HDAC3: variants seen among roughly 807,000 people sequenced by gnomAD.
The protein encoded by HDAC3 is histone deacetylase 3, also known as SMAP45.
HDAC3 carries 21 observed loss-of-function variants against 62.3 expected under a neutral mutation model. The ratio of observed to expected loss-of-function variants is 0.34; its 90% CI spans 0.24 to 0.49. HDAC3 has a LOEUF of 0.49. Among genes scored for constraint, HDAC3 ranks in the 20% least tolerant of loss-of-function variants. HDAC3 has a pLI of 0.99. For missense variants in HDAC3, 270 were observed against 556.9 expected (o/e 0.48, Z 5.19); for synonymous variants, 198 against 206.5 (o/e 0.96, Z 0.35).
intron 3 of HDAC3, among the ~76,000 whole-genome samples, chr5:141,631,499 G>A (rs867112768): frequency 6.6e-6 from 1 of 152,184 alleles, no homozygotes; most frequent in Admixed American, 6.5e-5. Context: ...ACAGAATACT[G>A]ATTTATTTTT....
rs1160955411 is a variant in HDAC3, at chr5:141,628,006, A to G, written c.766-49T>C. The G allele has an allele frequency of 6.2e-7, 1 of 1,602,496 alleles. No individual in the cohort carries two copies. ...AAGTGCAGTGATCAGAACTGATCAG[A>G]ACATCACAGATACCCCTTCCACCAC... On this transcript the variant is annotated intron_variant, in intron 9 of 14. Coordinates refer to ENST00000305264, the MANE Select transcript of HDAC3 (RefSeq NM_003883.4). The surrounding 1 kb of genome is among the most constrained non-coding windows in gnomAD (Gnocchi z 4.7).
intron 2 of HDAC3, among the ~76,000 whole-genome samples, chr5:141,635,601 C>T (rs1378820508): frequency 6.6e-6 from 1 of 152,228 alleles, no homozygotes; most frequent in Non-Finnish European, 1.5e-5. Context: ...CACATAAAGC[C>T]TGGGTTTAGC....
At chr5:141,623,689 T>C (rs2099904009) in intron 14 of HDAC3, among the ~76,000 whole-genome samples, 1 of 152,016 alleles carries the variant, frequency 6.6e-6, no homozygotes, top group African/African-American at 2.4e-5. Context: ...GTCAGAGCAG[T>C]AAAGCCCAGG....
chr5:141,636,573 T>C lies in HDAC3; in HGVS notation c.113A>G (p.His38Arg). The C allele has an allele frequency of 6.2e-7, 1 of 1,613,668 alleles. No homozygotes were observed. The highest frequency in any genetic ancestry group is 8.5e-7 in the Non-Finnish European group (1 of 1,179,846). ...RLALTHSLVL[H>R]YGLYKKMIVF... ...GATCATCTTCTTATAGAGACCGTAA[T>C]GCAGGACCAGGCTATGGGTCAATGC... Residue 38 changes from histidine to arginine, a missense_variant, in exon 2 of 15, where the codon CAT (histidine) becomes CGT (arginine). Coordinates refer to ENST00000305264, the MANE Select transcript of HDAC3 (RefSeq NM_003883.4).
chr5:141,625,605 TC>T lies in HDAC3; in HGVS notation c.1059+79del. ...TTAGAACTTCCTTCTCTTTGGTTTT[TC>T]CTACTTCCCACATCTTTGACCTCTC... On this transcript the variant is annotated intron_variant, in intron 13 of 14. Coordinates refer to ENST00000305264, the MANE Select transcript of HDAC3 (RefSeq NM_003883.4). This position sits in a 1 kb window ranked among gnomAD's most constrained non-coding sequence, Gnocchi z 4.0. 7.1e-7 allele frequency: 1 copy of T among 1,416,630 alleles called. No individual in the cohort carries two copies. Among genetic ancestry groups the T allele is most frequent in the Non-Finnish European group, 1.0e-6 (1 of 1,001,740 alleles). The allele number at this position is 1,416,630 out of a possible 1,614,324, so 87.8% of individuals were successfully genotyped here.
chr5:141,635,058 T>G, intron 2 of HDAC3, 105 bp from the exon 3 acceptor site: 1 of 1,125,408 alleles, frequency 8.9e-7, no homozygotes, highest in Non-Finnish European at 1.3e-6. Flanking sequence ...AAGCCAAACA[T>G]AGCATTCCCC....
At position 141,629,340 on chromosome 5, in the gene HDAC3, A is replaced by G; in HGVS notation, c.477-34T>C. The G allele has an allele frequency of 6.2e-7, 1 of 1,613,748 alleles. No homozygotes were observed. Among genetic ancestry groups the G allele is most frequent in the Non-Finnish European group, 8.5e-7 (1 of 1,179,908 alleles). On this transcript the variant is annotated intron_variant, in intron 6 of 14. Transcript: ENST00000305264. This position sits in a 1 kb window ranked among gnomAD's most constrained non-coding sequence, Gnocchi z 5.3. ...AAGCCAAAGCCAGGGTCTGAGCTAG[A>G]AGTGAACCCCCCAACCCACTCCTCT... is the stretch of plus-strand genomic sequence containing the variant.
In HDAC3 at chr5:141,629,527, G is replaced by A; in HGVS notation, c.476+157C>T. The A allele has an allele frequency of 2.2e-6, 2 of 896,174 alleles. No individual in the cohort carries two copies. The highest frequency in any genetic ancestry group is 1.5e-5 in the South Asian group (1 of 65,812). The allele number at this position is 896,174 out of a possible 1,614,324, so 55.5% of individuals were successfully genotyped here. ...AAGGCTGAAATGTGAGCAGGCAGTA[G>A]GGAATCTGCAGCAGTGGAAGAGGCA... is the stretch of plus-strand genomic sequence containing the variant. On this transcript the variant is annotated intron_variant, in intron 6 of 14. Coordinates refer to ENST00000305264, the MANE Select transcript of HDAC3 (RefSeq NM_003883.4). The surrounding 1 kb of genome is among the most constrained non-coding windows in gnomAD (Gnocchi z 5.3).
rs1445635727 is a variant in HDAC3 at position 141,626,861 on chromosome 5, C to T, written c.831-578G>A. 1.3e-5 allele frequency among the ~76,000 whole-genome samples: 2 copies of T among 151,260 alleles called. No homozygotes were observed. The highest frequency in any genetic ancestry group is 4.9e-5 in the African/African-American group (2 of 41,072). ...TTCTCTCCATTGCCACCCCCTCCAC[C>T]TTAGTCTGGGCACCTAACCAACACC... On this transcript the variant is annotated intron_variant, in intron 10 of 14. Transcript: ENST00000305264. This position sits in a 1 kb window ranked among gnomAD's most constrained non-coding sequence, Gnocchi z 4.6.
chr5:141,636,521 AC>A (rs2099906041), intron 2 of HDAC3, 26 bp downstream of exon 2: 2 of 1,607,310 alleles, frequency 1.2e-6, no homozygotes, highest in African/African-American at 1.3e-5. Flanking sequence ...CCACCCCCCA[AC>A]CCCCGGCCGA....
Position 141,626,993 on chromosome 5 carries a change from C to A in HDAC3, c.831-710G>T, listed in dbSNP as rs760053336. Among the ~76,000 whole-genome samples the A allele has an allele frequency of 3.9e-5, 6 of 152,030 alleles. No homozygotes were observed. Among genetic ancestry groups the A allele is most frequent in the African/African-American group, 7.2e-5 (3 of 41,400 alleles). On this transcript the variant is annotated intron_variant, in intron 10 of 14. Coordinates refer to ENST00000305264, the MANE Select transcript of HDAC3 (RefSeq NM_003883.4). The surrounding 1 kb of genome is among the most constrained non-coding windows in gnomAD (Gnocchi z 4.6). ...CTTTCAAACACAAATTGGATCATGT[C>A]ACTTTCCTGCTTAAAATCCTTCAAT...
rs2099904325 is a variant in HDAC3 at position 141,625,594 on chromosome 5, T to C, written c.1059+91A>G. On this transcript the variant is annotated intron_variant, in intron 13 of 14. Transcript: ENST00000305264. This position sits in a 1 kb window ranked among gnomAD's most constrained non-coding sequence, Gnocchi z 4.0. ...ACTGTGATGGCTTAGAACTTCCTTC[T>C]CTTTGGTTTTTCCTACTTCCCACAT... The C allele has an allele frequency of 7.6e-7, 1 of 1,323,232 alleles. No individual in the cohort carries two copies. The highest frequency in any genetic ancestry group is 1.1e-6 in the Non-Finnish European group (1 of 918,878). 82.0% of individuals were successfully genotyped at this position (1,323,232 alleles called of 1,614,324 possible). A position where few individuals can be genotyped will look rare whatever the true frequency, so the allele number is the denominator to read the frequency against.
rs537083916 is a variant in HDAC3, at chr5:141,626,493, C to G, written c.831-210G>C. The G allele has an allele frequency of 5.2e-5, 29 of 558,076 alleles. No individual in the cohort carries two copies. Among genetic ancestry groups the G allele is most frequent in the African/African-American group, 3.4e-4 (18 of 52,860 alleles). The allele number at this position is 558,076 out of a possible 1,614,324, so 34.6% of individuals were successfully genotyped here. On this transcript the variant is annotated intron_variant, in intron 10 of 14. Transcript: ENST00000305264. The surrounding 1 kb of genome is among the most constrained non-coding windows in gnomAD (Gnocchi z 4.6). Reference sequence around the variant, plus strand: ...AATTTTAAAATAAAGCACAGTCCCCCCTCTGTTCTGCTCAACACCCTCCCT... The same window carrying G: ...AATTTTAAAATAAAGCACAGTCCCCGCTCTGTTCTGCTCAACACCCTCCCT...
At position 141,636,381 on chromosome 5, in the gene HDAC3, A is replaced by G. The variant is rs192844002; in HGVS notation, c.138+167T>C. ...GAAAGTACTTTCCATTAAGCAGAGGACGCCACCCCCAACACCCTGCACTTT... is the reference window on the plus strand; with the variant it reads ...GAAAGTACTTTCCATTAAGCAGAGGGCGCCACCCCCAACACCCTGCACTTT... On this transcript the variant is annotated intron_variant, in intron 2 of 14. Coordinates refer to ENST00000305264, the MANE Select transcript of HDAC3 (RefSeq NM_003883.4). 3.7e-4 allele frequency: 242 copies of G among 647,930 alleles called. 1 individual carries two copies. Among genetic ancestry groups the G allele is most frequent in the Middle Eastern group, 3.0e-3 (7 of 2,346 alleles). 40.1% of individuals were successfully genotyped at this position (647,930 alleles called of 1,614,324 possible).
rs778963609 is a variant in HDAC3 at position 141,629,954 on chromosome 5, C to T, written c.364-38G>A. On this transcript the variant is annotated intron_variant, in intron 4 of 14. Coordinates refer to ENST00000305264, the MANE Select transcript of HDAC3 (RefSeq NM_003883.4). This position sits in a 1 kb window ranked among gnomAD's most constrained non-coding sequence, Gnocchi z 5.3. ...CACCTAAGTCACAGTCCTTCCTGCC[C>T]ACCCCTCAAGCTGGGAGCCCAGGAT... is the stretch of plus-strand genomic sequence containing the variant. 9.3e-6 allele frequency: 15 copies of T among 1,613,468 alleles called. No homozygotes were observed. Among genetic ancestry groups the T allele is most frequent in the Admixed American group, 8.3e-5 (5 of 60,014 alleles).
At chr5:141,635,933 C>T (rs2099905912) in intron 2 of HDAC3, 1 of 152,690 alleles carries the variant, frequency 6.5e-6, no homozygotes, top group African/African-American at 2.4e-5. Context: ...TATCCCATAT[C>T]ACAGCCATAA....
rs1452022942 is a variant in HDAC3 at position 141,629,535 on chromosome 5, G to A, written c.476+149C>T. The A allele has an allele frequency of 2.2e-6, 2 of 912,468 alleles. No individual in the cohort carries two copies. The highest frequency in any genetic ancestry group is 3.4e-6 in the Non-Finnish European group (2 of 581,308). The allele number at this position is 912,468 out of a possible 1,614,324, so 56.5% of individuals were successfully genotyped here. A position where few individuals can be genotyped will look rare whatever the true frequency, so the allele number is the denominator to read the frequency against. ...AATGTGAGCAGGCAGTAGGGAATCT[G>A]CAGCAGTGGAAGAGGCAGCCTGAAT... is the stretch of plus-strand genomic sequence containing the variant. On this transcript the variant is annotated intron_variant, in intron 6 of 14. Transcript: ENST00000305264. This position sits in a 1 kb window ranked among gnomAD's most constrained non-coding sequence, Gnocchi z 5.3.
chr5:141,625,572 G>A lies in HDAC3; in HGVS notation c.1059+113C>T, dbSNP rs563380687. 118 of 1,187,968 alleles carry A rather than the reference G, an allele frequency of 9.9e-5. No individual in the cohort carries two copies. The highest frequency in any genetic ancestry group is 1.3e-4 in the Non-Finnish European group (103 of 804,296). The allele number at this position is 1,187,968 out of a possible 1,614,324, so 73.6% of individuals were successfully genotyped here. A position where few individuals can be genotyped will look rare whatever the true frequency, so the allele number is the denominator to read the frequency against. Reference sequence around the variant, plus strand: ...TGCCTCCTAGTCAATAACAGTGACTGTGATGGCTTAGAACTTCCTTCTCTT... The same window carrying A: ...TGCCTCCTAGTCAATAACAGTGACTATGATGGCTTAGAACTTCCTTCTCTT... On this transcript the variant is annotated intron_variant, in intron 13 of 14. Transcript: ENST00000305264. This position sits in a 1 kb window ranked among gnomAD's most constrained non-coding sequence, Gnocchi z 4.0.
At position 141,626,194 on chromosome 5, in the gene HDAC3, C is replaced by T. The variant is rs780781424; in HGVS notation, c.920G>A (p.Trp307Ter). 2 of 1,613,626 alleles carry T rather than the reference C, an allele frequency of 1.2e-6. No homozygotes were observed. The highest frequency in any genetic ancestry group is 2.7e-5 in the African/African-American group (2 of 74,884). Reference protein sequence around the residue: ...GYTVRNVARCWTYETSLLVEE... With the variant: ...GYTVRNVARC ...GGGAGGAAATCAGGAGAGTGCTCAC[C>T]AGCAGCGGGCAACATTTCGGACAGT... The change falls in exon 11 of 15, where the codon TGG becomes TAG. Residue 307 changes from tryptophan (W) to a stop codon, truncating the protein, a stop_gained and splice_region_variant. Coordinates refer to ENST00000305264, the MANE Select transcript of HDAC3 (RefSeq NM_003883.4). LOFTEE classifies it high-confidence loss of function. The surrounding 1 kb of genome is among the most constrained non-coding windows in gnomAD (Gnocchi z 4.6).
Sources: allele counts gnomAD v4.1 joint callset (sites outside exome capture counted in the v4.1 genomes callset), GRCh38; gene constraint gnomAD v4.1.1; non-coding constraint Gnocchi (gnomAD v3.1); transcripts MANE v1.5; gene names NCBI Gene and HGNC (gene_info 2026-07-23, HGNC 2026-07-21).